Variants in TENT2 observed in about 807,000 individuals in gnomAD.
TENT2 encodes poly(A) RNA polymerase GLD2.
Under a neutral mutation model 72.2 loss-of-function variants are expected in TENT2, and 44 were observed. The ratio of observed to expected loss-of-function variants is 0.61; its 90% confidence interval spans 0.48 to 0.78. The LOEUF is 0.78. Among genes scored for constraint, TENT2 ranks in the 30% least tolerant of loss-of-function variants. The pLI is 0.00. For synonymous variants in TENT2, 212 were observed against 192.5 expected, an observed-to-expected ratio of 1.10 and a Z score of -0.84; for missense variants, 541 against 569.6, an observed-to-expected ratio of 0.95 and a Z score of 0.51.
intron 4 of TENT2, among the ~76,000 whole-genome samples, chr5:79,630,449 G>T (rs1049607902): frequency 1.3e-5 from 2 of 152,032 alleles, no homozygotes; most frequent in Non-Finnish European, 2.9e-5. Flanking sequence ...TTCGTGGCAG[G>T]TGCCTGTAAT....
chr5:79,678,060 A>G (rs1307058241), intron 12 of TENT2, among the ~76,000 whole-genome samples: 1 of 152,204 alleles, frequency 6.6e-6, no homozygotes, highest in Non-Finnish European at 1.5e-5. Flanking sequence ...AGGGATCTAA[A>G]ACATTTTCCT....
chr5:79,638,727 G>T (rs1782151801), intron 4 of TENT2, among the ~76,000 whole-genome samples: 1 of 151,994 alleles, frequency 6.6e-6, no homozygotes, highest in Non-Finnish European at 1.5e-5. Context: ...GTTGGTATTT[G>T]TCCCACTCCT....
Position 79,679,595 on chromosome 5 carries a change from A to T in TENT2, c.1225A>T (p.Ile409Phe). The T allele has an allele frequency of 6.3e-7, 1 of 1,599,462 alleles. No homozygotes were observed. Among genetic ancestry groups the T allele is most frequent in the Non-Finnish European group, 8.5e-7 (1 of 1,171,772 alleles). Residue 409 changes from isoleucine to phenylalanine, a missense_variant, in exon 13 of 15, where the codon ATT (isoleucine) becomes TTT (phenylalanine). By Grantham distance (21) the Ile-to-Phe change is conservative. Transcript: ENST00000453514. ...TTCTTATAGCTGGAATAGTCAAATG[A>T]TTTCAGTTCGTGAAGCCAAAGCCAT... The part of the protein sequence containing the change: ...ATEFDWNSQM[I>F]SVREAKAIPR...
At chr5:79,634,127 C>T (rs904302628) in intron 4 of TENT2, among the ~76,000 whole-genome samples, 3 of 148,830 alleles carry the variant, frequency 2.0e-5, no homozygotes, top group Non-Finnish European at 4.5e-5. Context: ...TGCACTCCAG[C>T]CTGGGCAACA....
In TENT2 at chr5:79,685,313, G is replaced by C; in HGVS notation, c.*40G>C. The stretch of plus-strand genomic sequence containing the variant: ...TTAATAAATTCTTCCAAGAAATAAA[G>C]AACAATAGTTTCATCATAATACATT... On this transcript the variant is annotated 3_prime_UTR_variant, in exon 15 of 15. Transcript: ENST00000453514. The C allele has an allele frequency of 7.1e-7, 1 of 1,417,230 alleles. No homozygotes were observed. Among genetic ancestry groups the C allele is most frequent in the African/African-American group, 1.5e-5 (1 of 68,916 alleles). 87.8% of individuals were successfully genotyped at this position (1,417,230 alleles called of 1,614,324 possible).
At chr5:79,620,135 C>G (rs531900368) in intron 3 of TENT2, 52 bp downstream of exon 3, 2 of 1,233,580 alleles carry the variant, frequency 1.6e-6, no homozygotes, top group Non-Finnish European at 2.3e-6. Flanking sequence ...TCTGAGAACT[C>G]TGTAATGATG....
At chr5:79,614,249 C>T (rs1279542268) in intron 1 of TENT2, among the ~76,000 whole-genome samples, 1 of 151,760 alleles carries the variant, frequency 6.6e-6, no homozygotes, top group Non-Finnish European at 1.5e-5. Flanking sequence ...ATTACAGGCA[C>T]GTGCCACTAT....
chr5:79,654,209 A>T (rs1416910373), intron 10 of TENT2, among the ~76,000 whole-genome samples: 4 of 152,202 alleles, frequency 2.6e-5, no homozygotes, highest in Non-Finnish European at 5.9e-5. Context: ...AGGCGGGTGG[A>T]TCACTTGAGG....
intron 11 of TENT2, among the ~76,000 whole-genome samples, chr5:79,660,958 T>C (rs1185020135): frequency 6.6e-6 from 1 of 152,042 alleles, no homozygotes; most frequent in African/African-American, 2.4e-5. Context: ...CTGATGTGTA[T>C]GTTTGTGCCT....
At chr5:79,654,776 TAATA>T (rs541204543) in intron 10 of TENT2, among the ~76,000 whole-genome samples, 26 of 151,746 alleles carry the variant, frequency 1.7e-4, no homozygotes, top group African/African-American at 4.8e-4. Flanking sequence ...AAAAAAAAAT[TAATA>T]AATAAGTAAA....
intron 14 of TENT2, among the ~76,000 whole-genome samples, 179 bp downstream of exon 14, chr5:79,682,240 G>C (rs1432131565): frequency 2.6e-5 from 4 of 152,116 alleles, no homozygotes; most frequent in Non-Finnish European, 5.9e-5. Flanking sequence ...ATCTGGCTCT[G>C]TTTTTATTCA....
At chr5:79,628,778 A>T (rs914285979) in intron 4 of TENT2, among the ~76,000 whole-genome samples, 3 of 152,232 alleles carry the variant, frequency 2.0e-5, no homozygotes, top group African/African-American at 7.2e-5. Context: ...CACACTAATC[A>T]TATAGGGCTT....
intron 7 of TENT2, chr5:79,644,863 C>A (rs1787554500): frequency 3.3e-6 from 1 of 301,742 alleles, no homozygotes; most frequent in Non-Finnish European, 6.1e-6. Context: ...TTCACTCTTA[C>A]AGTGGTCTAA....
intron 1 of TENT2, among the ~76,000 whole-genome samples, chr5:79,615,956 T>A (rs1759525043): frequency 6.6e-6 from 1 of 152,068 alleles, no homozygotes; most frequent in Non-Finnish European, 1.5e-5. Context: ...TGGTGCGATC[T>A]CTGCTCACTG....
intron 1 of TENT2, among the ~76,000 whole-genome samples, chr5:79,619,067 C>A (rs1386943953): frequency 1.3e-5 from 2 of 152,164 alleles, no homozygotes; most frequent in Non-Finnish European, 2.9e-5. Context: ...TTGCTTTGTA[C>A]AATTTTTCCC....
intron 3 of TENT2, 124 bp downstream of exon 3, chr5:79,620,207 A>G: frequency 1.8e-6 from 1 of 568,502 alleles, no homozygotes; most frequent in Non-Finnish European, 3.0e-6. Flanking sequence ...GACCTGTACG[A>G]TCAGATGAGT....
intron 11 of TENT2, among the ~76,000 whole-genome samples, chr5:79,661,062 C>T (rs148331317): frequency 2.0e-5 from 3 of 152,002 alleles, no homozygotes; most frequent in Admixed American, 6.6e-5. Flanking sequence ...ATATTGGTAT[C>T]GTTGTGCAAT....
chr5:79,651,988 T>C (rs1794496889), intron 10 of TENT2, among the ~76,000 whole-genome samples: 1 of 152,090 alleles, frequency 6.6e-6, no homozygotes, highest in Non-Finnish European at 1.5e-5. Flanking sequence ...TATTCTTAAA[T>C]TGGCAGTTTT....
intron 13 of TENT2, among the ~76,000 whole-genome samples, chr5:79,680,674 A>G (rs1163807860): frequency 1.3e-5 from 2 of 152,156 alleles, no homozygotes; most frequent in South Asian, 2.1e-4. Context: ...CTTTCCTCTT[A>G]CCAACAACTT....
Sources: allele counts gnomAD v4.1 joint callset (sites outside exome capture counted in the v4.1 genomes callset), GRCh38; gene constraint gnomAD v4.1.1; transcripts MANE v1.5; gene names NCBI Gene and HGNC (gene_info 2026-07-23, HGNC 2026-07-21).